Variants in CFAP70 observed in about 807,000 individuals in gnomAD.
CFAP70 encodes the protein cilia- and flagella-associated protein 70.
Under a neutral mutation model 137.6 loss-of-function variants are expected in CFAP70, and 81 were observed. The observed-to-expected ratio is 0.59, with a 90% CI of 0.49 to 0.71. CFAP70 has a LOEUF of 0.71. CFAP70 is among the 30% of genes least tolerant of loss of function. The pLI is 0.00. For synonymous variants in CFAP70, 382 were observed against 423.6 expected (o/e 0.90, Z 1.20); for missense variants, 976 against 1,226.7 (o/e 0.80, Z 3.05).
chr10:73,279,080 C>T (rs1320359524), intron 19 of CFAP70: 1 of 151,704 alleles, frequency 6.6e-6, no homozygotes, highest in Non-Finnish European at 1.5e-5. Context: ...TTTAGTAGCA[C>T]ACATACTAAA....
chr10:73,264,781 A>G (rs956815107), intron 25 of CFAP70, among the ~76,000 whole-genome samples: 14 of 152,198 alleles, frequency 9.2e-5, no homozygotes, highest in Non-Finnish European at 2.1e-4. Flanking sequence ...TAATTACGTT[A>G]TTCATTTGAA....
At position 73,355,400 on chromosome 10, in the gene CFAP70, C is replaced by T. The variant is rs2054590527; in HGVS notation, c.-39-565G>A. Among the ~76,000 whole-genome samples the T allele has an allele frequency of 2.0e-5, 3 of 152,212 alleles. No individual in the cohort carries two copies. In the South Asian group the frequency reaches 6.2e-4, roughly 31 times the overall value. ...GAATGCCTGATTTGTCACTGTCTCC[C>T]ATCACCCCCAGATAGGACTGTCTAG... On this transcript the variant is annotated intron_variant, in intron 1 of 26. Coordinates refer to ENST00000310715, the Ensembl canonical transcript of CFAP70.
chr10:73,361,293 C>CTT (rs577780984), upstream of CFAP70, among the ~76,000 whole-genome samples: 85 of 128,364 alleles, frequency 6.6e-4, no homozygotes, highest in African/African-American at 1.4e-3. Flanking sequence ...CATGCCCGGC[C>CTT]TTTTTTTTTT....
chr10:73,299,768 T>A (rs1468618254), intron 12 of CFAP70, 103 bp from the exon 14 acceptor site: 1 of 865,352 alleles, frequency 1.2e-6, no homozygotes, highest in Non-Finnish European at 1.7e-6. Flanking sequence ...GTGGGGGAGA[T>A]CTGAGGTCTG....
rs1034366378 is a variant in CFAP70 at position 73,275,257 on chromosome 10, T to C, written c.2673+189A>G. On this transcript the variant is annotated intron_variant, in intron 22 of 26. Coordinates refer to ENST00000310715, the Ensembl canonical transcript of CFAP70. The surrounding 1 kb of genome is among the most constrained non-coding windows in gnomAD (Gnocchi z 4.0). ...GCCTCCCAAAGTGCTGCGATTACAG[T>C]TGTGAGCCACCGCGCCCAGCCAACT... is the stretch of plus-strand genomic sequence containing the variant. The C allele has an allele frequency of 2.3e-6, 1 of 444,036 alleles. No homozygotes were observed. Among genetic ancestry groups the C allele is most frequent in the Non-Finnish European group, 3.7e-6 (1 of 273,594 alleles). 27.5% of individuals were successfully genotyped at this position (444,036 alleles called of 1,614,324 possible).
intron 3 of CFAP70, among the ~76,000 whole-genome samples, 177 bp downstream of exon 3, chr10:73,353,379 T>C (rs1490785656): frequency 2.0e-5 from 3 of 152,230 alleles, no homozygotes; most frequent in African/African-American, 7.2e-5. Flanking sequence ...CAATGGCAGC[T>C]GTTCAAGATT....
chr10:73,277,102 T>C, intron 21 of CFAP70, 138 bp downstream of exon 22: 2 of 1,099,032 alleles, frequency 1.8e-6, no homozygotes, highest in South Asian at 1.9e-5. Flanking sequence ...GTTCTTTCCA[T>C]TGGGCTTAAA....
At chr10:73,352,284 A>G (rs955740614) in intron 3 of CFAP70, among the ~76,000 whole-genome samples, 17 of 152,096 alleles carry the variant, frequency 1.1e-4, no homozygotes, top group African/African-American at 3.4e-4. Flanking sequence ...GTAATGGAGA[A>G]CCTCATTTTT....
At chr10:73,317,971 G>A (rs944873557) in intron 9 of CFAP70, among the ~76,000 whole-genome samples, 4 of 152,096 alleles carry the variant, frequency 2.6e-5, no homozygotes, top group South Asian at 2.1e-4. Context: ...ATCTGGCACC[G>A]CTCTCCTCTC....
intron 8 of CFAP70, among the ~76,000 whole-genome samples, chr10:73,327,526 T>G (rs1256087508): frequency 1.3e-5 from 2 of 151,816 alleles, no homozygotes; most frequent in Non-Finnish European, 2.9e-5. Flanking sequence ...GGTATTCAAT[T>G]AGGAAAAGAG....
intron 7 of CFAP70, among the ~76,000 whole-genome samples, chr10:73,333,874 TTGATC>T (rs1347132813): frequency 2.0e-5 from 3 of 152,226 alleles, no homozygotes; most frequent in African/African-American, 4.8e-5. Flanking sequence ...TTATTCTTAA[TTGATC>T]TGATAACTAT....
intron 25 of CFAP70, among the ~76,000 whole-genome samples, chr10:73,262,993 A>G (rs1275264500): frequency 6.6e-6 from 1 of 152,218 alleles, no homozygotes; most frequent in East Asian, 1.9e-4. Context: ...ACCACAGTAC[A>G]ATTATCACAA....
intron 23 of CFAP70, among the ~76,000 whole-genome samples, chr10:73,273,548 T>A (rs2046467896): frequency 6.6e-6 from 1 of 152,200 alleles, no homozygotes; most frequent in African/African-American, 2.4e-5. Context: ...ATGAGATACA[T>A]CTATAGCTGA....
At chr10:73,359,743 T>C (rs112073310), upstream of CFAP70, among the ~76,000 whole-genome samples, 7,217 of 152,182 alleles carry the variant, frequency 0.047, 522 homozygotes, top group African/African-American at 0.16. Flanking sequence ...AGGCATAGAA[T>C]ACTGGCGTGA....
At position 73,345,137 on chromosome 10, in the gene CFAP70, C is replaced by T. The variant is rs1332473746; in HGVS notation, c.350-23G>A. On this transcript the variant is annotated intron_variant, in intron 4 of 26. Coordinates refer to ENST00000310715, the Ensembl canonical transcript of CFAP70. ...GACCTGTTGGAATGAAGGATTCAGGCACAGAGTAAGCAGCCTCCAACGTGA... is the reference window on the plus strand; with the variant it reads ...GACCTGTTGGAATGAAGGATTCAGGTACAGAGTAAGCAGCCTCCAACGTGA... 6 of 1,614,060 alleles carry T rather than the reference C, an allele frequency of 3.7e-6. No individual in the cohort carries two copies. In the Admixed American group the frequency reaches 8.3e-5, roughly 22 times the overall value.
At position 73,263,562 on chromosome 10, in the gene CFAP70, C is replaced by G. The variant is rs11000567; in HGVS notation, c.3027+6052G>C. On this transcript the variant is annotated intron_variant, in intron 25 of 26. Coordinates refer to ENST00000310715, the Ensembl canonical transcript of CFAP70. ...CCAATTCATATTTGTCTAATGTTCC[C>G]TCATAATCATATCAGGTTATGAACT... Among the ~76,000 whole-genome samples the G allele has an allele frequency of 5.3e-4, 81 of 152,252 alleles. No individual in the cohort carries two copies. The East Asian group carries it at 0.013, about 24-fold the overall frequency.
chr10:73,296,888 T>C, intron 15 of CFAP70, 154 bp downstream of exon 16: 1 of 771,888 alleles, frequency 1.3e-6, no homozygotes, highest in Non-Finnish European at 1.9e-6. Flanking sequence ...TGATTAGGCT[T>C]AGGCAGTTTC....
chr10:73,265,232 G>A (rs1256079075), intron 25 of CFAP70, among the ~76,000 whole-genome samples: 3 of 151,868 alleles, frequency 2.0e-5, no homozygotes, highest in African/African-American at 7.3e-5. Context: ...GGCTGAGGCA[G>A]GAGAATGGTG....
At chr10:73,309,658 A>ATTTTTTTTTTTTTTTTTT (rs60294953) in intron 12 of CFAP70, among the ~76,000 whole-genome samples, 16 of 136,438 alleles carry the variant, frequency 1.2e-4, no homozygotes, top group African/African-American at 3.9e-4. Flanking sequence ...TTTCCTAAGA[A>ATTTTTTTTTTTTTTTTTT]TTTTTTTTTT....
Sources: gnomAD v4.1 joint callset for allele counts (sites outside exome capture counted in the v4.1 genomes callset) on GRCh38, gnomAD v4.1.1 for gene constraint, Gnocchi (gnomAD v3.1) non-coding constraint, MANE v1.5 for transcripts, NCBI Gene and HGNC (gene_info 2026-07-23, HGNC 2026-07-21) for gene names.